Variants in VPS26C observed in about 807,000 individuals in gnomAD.
VPS26C encodes VPS26 endosomal protein sorting factor C.
In VPS26C, 19 loss-of-function variants were observed where a neutral mutation model predicts 30.6. The ratio of observed to expected loss-of-function variants is 0.62; its 90% CI spans 0.43 to 0.91. VPS26C has a LOEUF of 0.91. VPS26C is among the 40% of genes least tolerant of loss of function. The pLI, the probability that VPS26C is intolerant of heterozygous loss-of-function variation, is 0.00. For synonymous variants in VPS26C, 132 were observed against 151.5 expected (o/e 0.87, Z 0.95); for missense variants, 318 against 385.1 (o/e 0.83, Z 1.46).
At chr21:37,240,440 C>G (rs1602272068) in intron 2 of VPS26C, 56 bp downstream of exon 2, 1 of 1,599,460 alleles carries the variant, frequency 6.3e-7, no homozygotes, top group African/African-American at 1.3e-5. Context: ...CCACTGCGCC[C>G]AGCCCAACAT....
At chr21:37,240,395 G>C in intron 2 of VPS26C, 101 bp downstream of exon 2, 1 of 1,365,174 alleles carries the variant, frequency 7.3e-7, no homozygotes, top group Non-Finnish European at 1.0e-6. Flanking sequence ...AAATTACTGA[G>C]ATTACAGGCC....
chr21:37,249,751 G>A (rs988297256), intron 1 of VPS26C, among the ~76,000 whole-genome samples: 4 of 152,176 alleles, frequency 2.6e-5, no homozygotes, highest in African/African-American at 9.7e-5. Flanking sequence ...TGATTCTGAA[G>A]TTTATATGCA....
chr21:37,232,582 A>T, intron 4 of VPS26C, 131 bp from the exon 5 acceptor site: 1 of 750,022 alleles, frequency 1.3e-6, no homozygotes, highest in African/African-American at 1.7e-5. Context: ...TAAGAGGCGC[A>T]AGCCTGGGTC....
chr21:37,255,979 G>A (rs1429217265), intron 1 of VPS26C, among the ~76,000 whole-genome samples: 3 of 151,338 alleles, frequency 2.0e-5, no homozygotes, highest in African/African-American at 7.3e-5. Context: ...GGGATTACAG[G>A]TGCCCGCCAC....
intron 2 of VPS26C, among the ~76,000 whole-genome samples, chr21:37,238,877 A>G (rs1343459575): frequency 6.6e-6 from 1 of 152,060 alleles, no homozygotes; most frequent in Non-Finnish European, 1.5e-5. Flanking sequence ...TCTCCTCCCC[A>G]GGTATCTCAT....
chr21:37,239,748 C>T (rs2086065931), intron 2 of VPS26C, among the ~76,000 whole-genome samples: 1 of 152,072 alleles, frequency 6.6e-6, no homozygotes, highest in East Asian at 1.9e-4. Flanking sequence ...GGGCACACGC[C>T]ATCACACCCC....
At chr21:37,259,770 T>C (rs148177831) in intron 1 of VPS26C, among the ~76,000 whole-genome samples, 76 of 152,226 alleles carry the variant, frequency 5.0e-4, no homozygotes, top group Non-Finnish European at 8.1e-4. Context: ...CAAGCAGACA[T>C]AGACAGTGGG....
upstream of VPS26C, chr21:37,267,530 C>G: frequency 3.5e-6 from 2 of 569,186 alleles, no homozygotes; most frequent in Non-Finnish European, 6.2e-6. Context: ...CACGGTTCAC[C>G]CCGCCCCCTC....
chr21:37,267,509 C>T (rs2086381812), upstream of VPS26C: 6 of 584,350 alleles, frequency 1.0e-5, no homozygotes, highest in East Asian at 1.5e-4. Context: ...TAGTGCGGGC[C>T]GAAGCGCTGT....
At chr21:37,250,899 CAAA>C (rs11450988) in intron 1 of VPS26C, among the ~76,000 whole-genome samples, 5 of 78,156 alleles carry the variant, frequency 6.4e-5, no homozygotes, top group African/African-American at 1.6e-4. Context: ...GACTCCATTT[CAAA>C]AAAAAAAAAA....
At chr21:37,266,520 G>C (rs2086363836) in intron 1 of VPS26C, among the ~76,000 whole-genome samples, 1 of 152,148 alleles carries the variant, frequency 6.6e-6, no homozygotes, top group African/African-American at 2.4e-5. Flanking sequence ...TTCTGATGTA[G>C]AGTAAGGGTT....
Position 37,233,254 on chromosome 21 carries a change from C to G in VPS26C, c.432+108G>C, listed in dbSNP as rs1384960710. The stretch of plus-strand genomic sequence containing the variant: ...AGAAGTCTTGTGTCTTCTGCCAGCA[C>G]CCGTGAAACAGTAAGAGGCTAAATG... On this transcript the variant is annotated intron_variant, in intron 4 of 7. Transcript: ENST00000309117. This position sits in a 1 kb window ranked among gnomAD's most constrained non-coding sequence, Gnocchi z 5.2. 2 of 928,936 alleles carry G rather than the reference C, an allele frequency of 2.2e-6. No homozygotes were observed. The highest frequency in any genetic ancestry group is 2.0e-5 in the Admixed American group (1 of 51,008). 57.5% of individuals were successfully genotyped at this position (928,936 alleles called of 1,614,324 possible).
rs943555494 is a variant in VPS26C, at chr21:37,240,699, T to TA, written c.58-61dup. 20 of 1,574,790 alleles carry TA rather than the reference T, an allele frequency of 1.3e-5. No homozygotes were observed. The African/African-American group carries it at 2.7e-4, about 22-fold the overall frequency. On this transcript the variant is annotated intron_variant, in intron 1 of 7. Coordinates refer to ENST00000309117, the MANE Select transcript of VPS26C (RefSeq NM_006052.2). ...CATGCTTCCTCCATTCTACCTTGTT[T>TA]ATTAGCAAACGTAGGTCTCCTTCAT...
chr21:37,240,744 CCAGA>C, intron 1 of VPS26C, 105 bp from the exon 2 acceptor site: 1 of 1,429,092 alleles, frequency 7.0e-7, no homozygotes, highest in South Asian at 1.4e-5. Flanking sequence ...GTTTAAAGAT[CCAGA>C]CATTCACTGA....
At chr21:37,241,055 C>G (rs1307835364) in intron 1 of VPS26C, among the ~76,000 whole-genome samples, 1 of 152,204 alleles carries the variant, frequency 6.6e-6, no homozygotes, top group African/African-American at 2.4e-5. Flanking sequence ...AAACTCTGTT[C>G]GTTAGGCTCT....
rs1160586869 is a variant in VPS26C, at chr21:37,226,933, T to C, written c.811+721A>G. 1 of 152,256 alleles carries C rather than the reference T, an allele frequency of 6.6e-6. No individual in the cohort carries two copies. The highest frequency in any genetic ancestry group is 1.5e-5 in the Non-Finnish European group (1 of 68,056). 9.4% of individuals were successfully genotyped at this position (152,256 alleles called of 1,614,324 possible). ...TGGAGTGATCTCCCAATTAACATGA[T>C]TCTTATTAAGATGGAGGTCCCATTA... On this transcript the variant is annotated intron_variant, in intron 7 of 7. Coordinates refer to ENST00000309117, the MANE Select transcript of VPS26C (RefSeq NM_006052.2). The surrounding 1 kb of genome is among the most constrained non-coding windows in gnomAD (Gnocchi z 4.1).
At chr21:37,255,372 ACC>A (rs1372991762) in intron 1 of VPS26C, among the ~76,000 whole-genome samples, 1 of 152,184 alleles carries the variant, frequency 6.6e-6, no homozygotes, top group Non-Finnish European at 1.5e-5. Context: ...TGACAGTAAA[ACC>A]ATAAACGTAA....
chr21:37,227,603 G>A (rs760308479), intron 7 of VPS26C, 51 bp downstream of exon 7: 3 of 1,591,792 alleles, frequency 1.9e-6, no homozygotes, highest in Admixed American at 1.7e-5. Flanking sequence ...CCCTGGCGCT[G>A]AGCGGCCCTT....
At chr21:37,225,710 G>T in intron 7 of VPS26C, 84 bp from the exon 8 acceptor site, 1 of 1,200,566 alleles carries the variant, frequency 8.3e-7, no homozygotes, top group Non-Finnish European at 1.2e-6. Context: ...GTCGCAGGAA[G>T]CTCTAACGGC....
Sources: gnomAD v4.1 joint callset for allele counts (sites outside exome capture counted in the v4.1 genomes callset) on GRCh38, gnomAD v4.1.1 for gene constraint, Gnocchi (gnomAD v3.1) non-coding constraint, MANE v1.5 for transcripts, NCBI Gene and HGNC (gene_info 2026-07-23, HGNC 2026-07-21) for gene names.